TRIO: variants seen among roughly 807,000 people sequenced by gnomAD.
TRIO encodes the protein triple functional domain protein.
A neutral mutation model predicts 351.9 loss-of-function variants in TRIO; 58 were observed. The observed-to-expected ratio is 0.16, with a 90% CI of 0.13 to 0.21. TRIO has a LOEUF of 0.21. TRIO is among the 10% of genes least tolerant of loss of function. The pLI is 1.00. For synonymous variants in TRIO, 1,758 were observed against 1,595.7 expected (o/e 1.10, Z -2.42); for missense variants, 3,201 against 4,027.8 (o/e 0.79, Z 5.56).
At chr5:14,499,370 T>A (rs769537028) in intron 53 of TRIO, among the ~76,000 whole-genome samples, 21 of 152,358 alleles carry the variant, frequency 1.4e-4, no homozygotes, top group Non-Finnish European at 2.4e-4. Context: ...TGTAGATAGC[T>A]GCTGAGAAAG....
chr5:14,232,320 C>T (rs1359622208), intron 1 of TRIO, among the ~76,000 whole-genome samples: 4 of 152,212 alleles, frequency 2.6e-5, no homozygotes, highest in Admixed American at 2.6e-4. Flanking sequence ...TCCCCCCAAC[C>T]CCTCCCATTA....
At chr5:14,500,292 C>T (rs1475698236) in intron 53 of TRIO, among the ~76,000 whole-genome samples, 7 of 152,204 alleles carry the variant, frequency 4.6e-5, no homozygotes, top group Non-Finnish European at 2.9e-5. Flanking sequence ...CTTGGCTCCA[C>T]TCCTGTCTGC....
intron 11 of TRIO, among the ~76,000 whole-genome samples, chr5:14,351,967 G>A (rs1743174517): frequency 6.6e-6 from 1 of 152,238 alleles, no homozygotes; most frequent in African/African-American, 2.4e-5. Flanking sequence ...TCCAGGTAGT[G>A]AGGAGGGGCC....
chr5:14,290,423 A>G (rs1736806387), intron 4 of TRIO, among the ~76,000 whole-genome samples: 1 of 152,194 alleles, frequency 6.6e-6, no homozygotes, highest in South Asian at 2.1e-4. Flanking sequence ...GTTAATCTCC[A>G]TCTTCTTGGA....
chr5:14,165,645 T>C (rs1409283900), intron 1 of TRIO, among the ~76,000 whole-genome samples: 1 of 152,180 alleles, frequency 6.6e-6, no homozygotes, highest in Admixed American at 6.5e-5. Flanking sequence ...AAAGGGACTT[T>C]CCTTTGTTTA....
At chr5:14,448,770 C>T (rs886255042) in intron 34 of TRIO, among the ~76,000 whole-genome samples, 1 of 151,804 alleles carries the variant, frequency 6.6e-6, no homozygotes, top group Admixed American at 6.5e-5. Flanking sequence ...TTTTAAGTGT[C>T]TCTCTTTCAC....
At chr5:14,332,156 AC>A in intron 10 of TRIO, among the ~76,000 whole-genome samples, 1 of 152,212 alleles carries the variant, frequency 6.6e-6, no homozygotes, top group Middle Eastern at 3.4e-3. Context: ...TTCTTAAACC[AC>A]CCTCGCTCTT....
intron 40 of TRIO, among the ~76,000 whole-genome samples, chr5:14,476,556 C>G (rs1755089259): frequency 6.6e-6 from 1 of 152,196 alleles, no homozygotes; most frequent in African/African-American, 2.4e-5. Context: ...CATTGGGAGG[C>G]TGAGGCAGGC....
At chr5:14,464,454 G>A (rs1023419266) in intron 36 of TRIO, among the ~76,000 whole-genome samples, 1 of 152,082 alleles carries the variant, frequency 6.6e-6, no homozygotes, top group Non-Finnish European at 1.5e-5. Flanking sequence ...ATATAATCTC[G>A]TGACTAATTT....
chr5:14,471,607 T>A, intron 38 of TRIO, 141 bp downstream of exon 38: 1 of 1,125,772 alleles, frequency 8.9e-7, no homozygotes, highest in Non-Finnish European at 1.2e-6. Context: ...TGCACGTATG[T>A]AAAAGACTCA....
Position 14,488,225 on chromosome 5 carries a change from A to G in TRIO, c.7597A>G (p.Ser2533Gly), listed in dbSNP as rs1399435042. 1.9e-6 allele frequency: 3 copies of G among 1,588,658 alleles called. No individual in the cohort carries two copies. The highest frequency in any genetic ancestry group is 2.6e-6 in the Non-Finnish European group (3 of 1,174,784). ...CCGCATGAGCACGTGCTCCTCGGCCAGCGAGCAGTCCGTGCAGTCCACCCA... is the reference window on the plus strand; with the variant it reads ...CCGCATGAGCACGTGCTCCTCGGCCGGCGAGCAGTCCGTGCAGTCCACCCA... ...TDRMSTCSSA[S>G]EQSVQSTQSN... The change falls in exon 48 of 57, where the codon AGC (serine) becomes GGC (glycine). Residue 2533 changes from serine (S) to glycine (G), a missense_variant. By Grantham distance (56) the Ser-to-Gly change is moderately conservative. Transcript: ENST00000344204.
At chr5:14,333,867 C>T (rs953022340) in intron 10 of TRIO, among the ~76,000 whole-genome samples, 2 of 152,182 alleles carry the variant, frequency 1.3e-5, no homozygotes, top group Admixed American at 6.5e-5. Context: ...ATGACCCACA[C>T]ACCACAGATC....
At chr5:14,374,533 A>T (rs944841105) in intron 19 of TRIO, among the ~76,000 whole-genome samples, 190 bp downstream of exon 19, 22 of 152,366 alleles carry the variant, frequency 1.4e-4, no homozygotes, top group Middle Eastern at 6.8e-3. Context: ...GGTTGATATT[A>T]TATTGAATAG....
intron 9 of TRIO, among the ~76,000 whole-genome samples, chr5:14,323,595 G>C (rs370311371): frequency 6.6e-6 from 1 of 152,228 alleles, no homozygotes; most frequent in Non-Finnish European, 1.5e-5. Context: ...CCACTCTCCA[G>C]CCCCACTCAG....
At chr5:14,392,240 G>GAAA (rs113769072) in intron 27 of TRIO, among the ~76,000 whole-genome samples, 1 of 142,026 alleles carries the variant, frequency 7.0e-6, no homozygotes, top group African/African-American at 2.5e-5. Context: ...AAATTTACAA[G>GAAA]AAAAAAAAAA....
At chr5:14,389,755 C>T (rs1746882412) in intron 25 of TRIO, among the ~76,000 whole-genome samples, 3 of 152,274 alleles carry the variant, frequency 2.0e-5, no homozygotes, top group South Asian at 2.1e-4. Flanking sequence ...TGTTTGCTCT[C>T]TTATAGTAAG....
At chr5:14,485,308 C>A in intron 47 of TRIO, 62 bp downstream of exon 47, 1 of 1,467,806 alleles carries the variant, frequency 6.8e-7, no homozygotes. Flanking sequence ...TTGTATTTAT[C>A]TTCCCTCTCC....
At chr5:14,451,538 G>T (rs981433665) in intron 34 of TRIO, among the ~76,000 whole-genome samples, 2 of 152,164 alleles carry the variant, frequency 1.3e-5, no homozygotes, top group East Asian at 3.8e-4. Flanking sequence ...CTTGTATGGT[G>T]GAAGAACTTC....
At chr5:14,370,650 C>T (rs962421587) in intron 18 of TRIO, among the ~76,000 whole-genome samples, 2 of 152,160 alleles carry the variant, frequency 1.3e-5, no homozygotes, top group Non-Finnish European at 2.9e-5. Context: ...TTACTTTGTG[C>T]TCCCACCACA....
Sources: gnomAD v4.1 joint callset for allele counts (sites outside exome capture counted in the v4.1 genomes callset) on GRCh38, gnomAD v4.1.1 for gene constraint, MANE v1.5 for transcripts, NCBI Gene and HGNC (gene_info 2026-07-23, HGNC 2026-07-21) for gene names.